Variants in PLCB1 observed in about 807,000 individuals in gnomAD.
PLCB1 encodes phospholipase C beta 1.
In PLCB1, 46 loss-of-function variants were observed where a neutral mutation model predicts 161.8. The observed-to-expected ratio is 0.28, with a 90% CI of 0.22 to 0.36. PLCB1 has a LOEUF of 0.36. Ranked by LOEUF, PLCB1 falls within the 10% of genes least tolerant of loss-of-function variation. The pLI, the probability that PLCB1 is intolerant of heterozygous loss-of-function variation, is 1.00. For missense variants in PLCB1, 1,016 were observed against 1,472.5 expected (o/e 0.69, Z 5.07); for synonymous variants, 517 against 503.7 (o/e 1.03, Z -0.35).
chr20:8,489,315 A>C (rs1485506166), intron 3 of PLCB1, among the ~76,000 whole-genome samples: 1 of 152,204 alleles, frequency 6.6e-6, no homozygotes, highest in Non-Finnish European at 1.5e-5. Context: ...AAAAGAGCAA[A>C]GTGCAAAGAG....
chr20:8,610,470 A>C (rs993042776), intron 3 of PLCB1, among the ~76,000 whole-genome samples: 1 of 152,138 alleles, frequency 6.6e-6, no homozygotes, highest in African/African-American at 2.4e-5. Flanking sequence ...TTGTGTGGAC[A>C]TGTTTTCATT....
chr20:8,329,319 A>AC (rs1189435234), intron 2 of PLCB1, among the ~76,000 whole-genome samples: 4 of 141,306 alleles, frequency 2.8e-5, no homozygotes, highest in African/African-American at 1.0e-4. Flanking sequence ...TAAAATAAAT[A>AC]CTTTTTTTTT....
At chr20:8,239,437 A>G (rs977240363) in intron 2 of PLCB1, among the ~76,000 whole-genome samples, 10 of 152,158 alleles carry the variant, frequency 6.6e-5, no homozygotes, top group East Asian at 3.9e-4. Context: ...GCACCAGCTT[A>G]GTGATGTTTG....
chr20:8,807,957 C>G (rs1984619825), intron 31 of PLCB1, among the ~76,000 whole-genome samples: 1 of 152,076 alleles, frequency 6.6e-6, no homozygotes, highest in Non-Finnish European at 1.5e-5. Context: ...TATAAAAGAG[C>G]TGTTTACATG....
intron 31 of PLCB1, among the ~76,000 whole-genome samples, chr20:8,840,702 A>G (rs371280094): frequency 4.6e-5 from 7 of 152,298 alleles, no homozygotes; most frequent in African/African-American, 9.6e-5. Flanking sequence ...TTCATTTTCT[A>G]TTTGAATTTG....
chr20:8,190,104 T>C (rs2123107302), intron 2 of PLCB1, among the ~76,000 whole-genome samples: 1 of 152,178 alleles, frequency 6.6e-6, no homozygotes, highest in South Asian at 2.1e-4. Flanking sequence ...TACCAACACC[T>C]AAAGACAGAT....
intron 2 of PLCB1, among the ~76,000 whole-genome samples, chr20:8,243,002 T>A (rs1380774069): frequency 6.6e-6 from 1 of 151,984 alleles, no homozygotes; most frequent in Non-Finnish European, 1.5e-5. Context: ...AGGAAGTCAG[T>A]GGCCAGTAGC....
chr20:8,429,460 T>C (rs1459149301), intron 3 of PLCB1, among the ~76,000 whole-genome samples: 1 of 149,856 alleles, frequency 6.7e-6, no homozygotes, highest in Non-Finnish European at 1.5e-5. Flanking sequence ...TTCAATTTTG[T>C]GGATTGGGAC....
At chr20:8,193,840 T>C (rs1042548875) in intron 2 of PLCB1, among the ~76,000 whole-genome samples, 1 of 152,006 alleles carries the variant, frequency 6.6e-6, no homozygotes, top group Non-Finnish European at 1.5e-5. Flanking sequence ...TTGAGGTCAA[T>C]GAGGTATAGT....
At chr20:8,203,670 G>A (rs1453006188) in intron 2 of PLCB1, among the ~76,000 whole-genome samples, 3 of 152,086 alleles carry the variant, frequency 2.0e-5, no homozygotes, top group Non-Finnish European at 2.9e-5. Flanking sequence ...CATGATGGGA[G>A]GGATCTATTG....
chr20:8,437,143 C>T (rs986658036), intron 3 of PLCB1, among the ~76,000 whole-genome samples: 2 of 152,036 alleles, frequency 1.3e-5, no homozygotes, highest in African/African-American at 4.8e-5. Context: ...GCACGCCTTC[C>T]CCTGTAGCCA....
chr20:8,286,137 C>T (rs1983110650), intron 2 of PLCB1, among the ~76,000 whole-genome samples: 1 of 152,158 alleles, frequency 6.6e-6, no homozygotes, highest in South Asian at 2.1e-4. Flanking sequence ...CCAGCCTGGC[C>T]AGCATGGCTA....
intron 3 of PLCB1, among the ~76,000 whole-genome samples, chr20:8,467,543 C>T (rs1368015768): frequency 6.6e-6 from 1 of 152,130 alleles, no homozygotes; most frequent in Non-Finnish European, 1.5e-5. Flanking sequence ...AATATTTGGG[C>T]AGCCTCTTTT....
chr20:8,798,997 A>T (rs1246046083), intron 31 of PLCB1, among the ~76,000 whole-genome samples: 1 of 152,352 alleles, frequency 6.6e-6, no homozygotes, highest in South Asian at 2.1e-4. Flanking sequence ...TTAGGGCTGC[A>T]TGGTACTCCC....
intron 3 of PLCB1, among the ~76,000 whole-genome samples, chr20:8,402,874 T>G (rs1311856426): frequency 6.6e-6 from 1 of 151,910 alleles, no homozygotes; most frequent in Admixed American, 6.6e-5. Flanking sequence ...TTAAAAAAAG[T>G]TTTCATTTGA....
chr20:8,140,087 A>G (rs1464955153), intron 1 of PLCB1, among the ~76,000 whole-genome samples: 1 of 152,166 alleles, frequency 6.6e-6, no homozygotes, highest in African/African-American at 2.4e-5. Flanking sequence ...CCCTGTTGGC[A>G]GCTTACACTT....
At chr20:8,382,190 T>G (rs1043908960) in intron 3 of PLCB1, among the ~76,000 whole-genome samples, 5 of 152,168 alleles carry the variant, frequency 3.3e-5, no homozygotes, top group Non-Finnish European at 7.3e-5. Flanking sequence ...ACTTCTTGAT[T>G]TCTGCCTTAA....
intron 2 of PLCB1, among the ~76,000 whole-genome samples, chr20:8,216,371 A>G (rs140125919): frequency 6.6e-4 from 101 of 152,230 alleles, no homozygotes; most frequent in African/African-American, 2.3e-3. Flanking sequence ...CAAGGCTGCA[A>G]TATTCACTCC....
At chr20:8,792,887 G>A (rs1983833234) in intron 31 of PLCB1, 1 of 318,108 alleles carries the variant, frequency 3.1e-6, no homozygotes, top group Non-Finnish European at 6.1e-6. Context: ...TGTGAGACAT[G>A]TGAAGAAAGA....
Sources: gnomAD v4.1 joint callset for allele counts (sites outside exome capture counted in the v4.1 genomes callset) on GRCh38, gnomAD v4.1.1 for gene constraint, MANE v1.5 for transcripts, NCBI Gene and HGNC (gene_info 2026-07-23, HGNC 2026-07-21) for gene names.